PRKG1: variants seen among roughly 807,000 people sequenced by gnomAD.
PRKG1 encodes the protein cGMP-dependent protein kinase 1.
PRKG1 carries 35 observed loss-of-function variants against 88.1 expected under a neutral mutation model. The observed-to-expected ratio is 0.40, with a 90% CI of 0.30 to 0.53. The LOEUF (loss-of-function observed/expected upper bound fraction) is 0.53. Among genes scored for constraint, PRKG1 ranks in the 20% least tolerant of loss-of-function variants. The probability of loss-of-function intolerance (pLI) is 0.59; values close to 1 mark genes in which losing one functional copy is unlikely to be tolerated. For missense variants in PRKG1, 540 were observed against 839.8 expected (o/e 0.64, Z 4.41); for synonymous variants, 303 against 292.5 (o/e 1.04, Z -0.37).
intron 4 of PRKG1, among the ~76,000 whole-genome samples, chr10:51,850,488 T>TA (rs1219560567): frequency 6.6e-6 from 1 of 150,478 alleles, no homozygotes; most frequent in African/African-American, 2.5e-5. Context: ...ATGTTGCAAT[T>TA]TTATATATAT....
chr10:51,669,389 T>G (rs1840501323), intron 3 of PRKG1, among the ~76,000 whole-genome samples: 1 of 152,188 alleles, frequency 6.6e-6, no homozygotes, highest in Admixed American at 6.5e-5. Context: ...ATGACCTAAT[T>G]TAACCTTATC....
At chr10:51,684,612 G>A (rs924138632) in intron 3 of PRKG1, among the ~76,000 whole-genome samples, 2 of 152,098 alleles carry the variant, frequency 1.3e-5, no homozygotes, top group African/African-American at 4.8e-5. Context: ...GCTCAGTCCT[G>A]TAATCCCAGC....
chr10:51,906,821 A>G (rs561526305), intron 4 of PRKG1, among the ~76,000 whole-genome samples: 67 of 152,292 alleles, frequency 4.4e-4, no homozygotes, highest in Non-Finnish European at 7.8e-4. Context: ...GAGAGAAATA[A>G]TTTTCAAAAT....
At chr10:51,581,073 G>A (rs1411373404) in intron 3 of PRKG1, among the ~76,000 whole-genome samples, 2 of 152,126 alleles carry the variant, frequency 1.3e-5, no homozygotes, top group Non-Finnish European at 2.9e-5. Flanking sequence ...CATTTATTAA[G>A]TTTAGTGAGG....
At chr10:51,535,840 A>C (rs1164128090) in intron 3 of PRKG1, among the ~76,000 whole-genome samples, 1 of 151,422 alleles carries the variant, frequency 6.6e-6, no homozygotes, top group African/African-American at 2.4e-5. Context: ...CTCCTGTCTC[A>C]GCCTCCTGAG....
intron 2 of PRKG1, among the ~76,000 whole-genome samples, chr10:51,464,319 C>G (rs1839826378): frequency 6.6e-6 from 1 of 152,098 alleles, no homozygotes; most frequent in African/African-American, 2.4e-5. Context: ...TCATTCTCAT[C>G]TATCATATGA....
At chr10:52,261,693 A>G (rs534422018) in intron 10 of PRKG1, among the ~76,000 whole-genome samples, 27 of 152,220 alleles carry the variant, frequency 1.8e-4, no homozygotes, top group African/African-American at 6.0e-4. Flanking sequence ...CTTAAATTTC[A>G]GACATTGGCC....
chr10:51,096,068 G>C (rs112473645), intron 1 of PRKG1, among the ~76,000 whole-genome samples: 50 of 152,174 alleles, frequency 3.3e-4, no homozygotes, highest in African/African-American at 1.1e-3. Context: ...TATTACATAA[G>C]AATTAGAAAT....
chr10:51,114,422 T>C (rs1845057687), intron 1 of PRKG1, among the ~76,000 whole-genome samples: 1 of 135,004 alleles, frequency 7.4e-6, no homozygotes, highest in Non-Finnish European at 1.6e-5. Context: ...GATTGTCTGC[T>C]ACCCATGAGT....
At chr10:51,972,233 C>T (rs982749140) in intron 5 of PRKG1, among the ~76,000 whole-genome samples, 15 of 152,062 alleles carry the variant, frequency 9.9e-5, no homozygotes, top group Non-Finnish European at 1.3e-4. Context: ...TAATCTTTTG[C>T]ATTTACTTTT....
At position 51,778,639 on chromosome 10, in the gene PRKG1, T is replaced by A. The variant is rs545686501; in HGVS notation, c.593-25946T>A. 7.2e-5 allele frequency among the ~76,000 whole-genome samples: 11 copies of A among 152,296 alleles called. No homozygotes were observed. The South Asian group carries it at 2.3e-3, about 32-fold the overall frequency. On this transcript the variant is annotated intron_variant, in intron 3 of 17. Coordinates refer to ENST00000373980, the MANE Select transcript of PRKG1 (RefSeq NM_006258.4). ...TGTGGTGAGTGATATAAGACTGGAT[T>A]TCCATTTTCTGAACCTTCTGTGGCT... is the stretch of plus-strand genomic sequence containing the variant.
chr10:51,103,110 A>G (rs1405249839), intron 1 of PRKG1, among the ~76,000 whole-genome samples: 2 of 145,026 alleles, frequency 1.4e-5, no homozygotes, highest in Non-Finnish European at 3.0e-5. Flanking sequence ...TAGAACATTG[A>G]ACAAATGGCT....
chr10:51,348,304 A>G (rs545521203), intron 2 of PRKG1, among the ~76,000 whole-genome samples: 73 of 152,322 alleles, frequency 4.8e-4, no homozygotes, highest in African/African-American at 1.7e-3. Context: ...AATCAGAGAA[A>G]GATTATACAT....
chr10:51,166,814 G>A (rs1462275117), intron 2 of PRKG1, among the ~76,000 whole-genome samples: 3 of 152,168 alleles, frequency 2.0e-5, no homozygotes, highest in Non-Finnish European at 4.4e-5. Flanking sequence ...AAGGGTGGTA[G>A]AGATAAAGCG....
At chr10:51,559,439 T>G (rs1837400895) in intron 3 of PRKG1, among the ~76,000 whole-genome samples, 1 of 152,100 alleles carries the variant, frequency 6.6e-6, no homozygotes, top group African/African-American at 2.4e-5. Flanking sequence ...GCATTATTAG[T>G]GCGTTAGAGA....
At chr10:51,853,164 T>C (rs578088573) in intron 4 of PRKG1, among the ~76,000 whole-genome samples, 11 of 152,286 alleles carry the variant, frequency 7.2e-5, no homozygotes, top group Admixed American at 7.2e-4. Context: ...AAATGTTCTT[T>C]CTAATACATC....
At chr10:51,165,155 C>T (rs1170582219) in intron 2 of PRKG1, among the ~76,000 whole-genome samples, 2 of 152,148 alleles carry the variant, frequency 1.3e-5, no homozygotes, top group African/African-American at 4.8e-5. Context: ...AGAGAAAGGT[C>T]GGGTTACCCA....
At chr10:50,996,637 G>A (rs965620262) in intron 1 of PRKG1, among the ~76,000 whole-genome samples, 5 of 152,162 alleles carry the variant, frequency 3.3e-5, no homozygotes, top group Non-Finnish European at 7.3e-5. Context: ...CTAGCTCAGT[G>A]CTGTGTTACA....
intron 1 of PRKG1, among the ~76,000 whole-genome samples, chr10:51,134,703 C>T (rs1426551516): frequency 1.3e-5 from 2 of 152,082 alleles, no homozygotes; most frequent in Non-Finnish European, 2.9e-5. Context: ...AACCCCTTCC[C>T]CTTTCTTAGA....
Sources: gnomAD v4.1 joint callset for allele counts (sites outside exome capture counted in the v4.1 genomes callset) on GRCh38, gnomAD v4.1.1 for gene constraint, MANE v1.5 for transcripts, NCBI Gene and HGNC (gene_info 2026-07-23, HGNC 2026-07-21) for gene names.